Variants in RPTOR observed in about 807,000 individuals in gnomAD.
RPTOR encodes the protein regulatory-associated protein of mTOR.
In RPTOR, 21 loss-of-function variants were observed where a neutral mutation model predicts 169.9. The ratio of observed to expected loss-of-function variants is 0.12; its 90% CI spans 0.09 to 0.18. The LOEUF is 0.18. RPTOR is among the 10% of genes least tolerant of loss of function. RPTOR has a pLI of 1.00. For synonymous variants in RPTOR, 732 were observed against 753.2 expected (o/e 0.97, Z 0.46); for missense variants, 1,133 against 1,855.9 (o/e 0.61, Z 7.16).
chr17:80,706,672 CCAGGTTGCCCTCAGGGCT>C (rs2066144606), intron 3 of RPTOR, among the ~76,000 whole-genome samples: 1 of 152,220 alleles, frequency 6.6e-6, no homozygotes, highest in Non-Finnish European at 1.5e-5. Context: ...TCTGGCAAGG[CCAGGTTGCCCTCAGGGCT>C]TTCTGCTGCC....
chr17:80,730,758 T>TTTTTCGG lies in RPTOR; in HGVS notation c.654+52_654+53insTTTTCGG. 2.1e-6 allele frequency: 1 copy of TTTTTCGG among 467,252 alleles called. No individual in the cohort carries two copies. Among genetic ancestry groups the TTTTTCGG allele is most frequent in the Non-Finnish European group, 3.9e-6 (1 of 254,704 alleles). The allele number at this position is 467,252 out of a possible 1,614,324, so 28.9% of individuals were successfully genotyped here. ...GTGCTGGGTTTGGTTTTGTTTTCCC[T>TTTTTCGG]GGGGGTGGGGTTTGGGTGGGGAGGT... On this transcript the variant is annotated intron_variant, in intron 5 of 33. Coordinates refer to ENST00000306801, the MANE Select transcript of RPTOR (RefSeq NM_020761.3). This position sits in a 1 kb window ranked among gnomAD's most constrained non-coding sequence, Gnocchi z 4.2.
rs1479994551 is a variant in RPTOR, at chr17:80,760,300, C to CTTTTTTT, written c.830+6121_830+6122insTTTTTTT. Among the ~76,000 whole-genome samples, 96 of 96,488 alleles carry CTTTTTTT rather than the reference C, an allele frequency of 9.9e-4. 4 individuals carry two copies. The highest frequency in any genetic ancestry group is 1.9e-3 in the African/African-American group (49 of 25,850). The allele number at this position is 96,488 out of a possible 152,430, so 63.3% of individuals were successfully genotyped here. A position where few individuals can be genotyped will look rare whatever the true frequency, so the allele number is the denominator to read the frequency against. On this transcript the variant is annotated intron_variant, in intron 6 of 33. Transcript: ENST00000306801. ...GTGTTCCAGTCGAGCTTTCTTTTTT[C>CTTTTTTT]TTTTTTCTTTTTTTTTTTTTTGAGA...
At chr17:80,751,671 G>C (rs180898380) in intron 5 of RPTOR, among the ~76,000 whole-genome samples, 151 of 152,220 alleles carry the variant, frequency 9.9e-4, no homozygotes, top group African/African-American at 3.6e-3. Context: ...TTACAATAGC[G>C]CCTCCTCTTC....
intron 23 of RPTOR, among the ~76,000 whole-genome samples, chr17:80,925,119 C>T (rs575162999): frequency 6.6e-6 from 1 of 152,026 alleles, no homozygotes; most frequent in East Asian, 2.0e-4. Context: ...TGTGCTGGGT[C>T]GGCCCTGGGG....
chr17:80,937,322 G>A (rs1260614001), intron 24 of RPTOR, among the ~76,000 whole-genome samples: 3 of 152,114 alleles, frequency 2.0e-5, no homozygotes, highest in Non-Finnish European at 4.4e-5. Flanking sequence ...AAATTCAGAG[G>A]GATTGAAGAT....
rs1270539619 is a variant in RPTOR, at chr17:80,609,231, G to A, written c.163-16460G>A. Reference sequence around the variant, plus strand: ...TGGGTGCTCTGCTCTCAGGCCCACAGAATTCTGCACTGTGAGCAGCGCAGG... The same window carrying A: ...TGGGTGCTCTGCTCTCAGGCCCACAAAATTCTGCACTGTGAGCAGCGCAGG... On this transcript the variant is annotated intron_variant, in intron 1 of 33. Transcript: ENST00000306801. This position sits in a 1 kb window ranked among gnomAD's most constrained non-coding sequence, Gnocchi z 4.8. 6.6e-6 allele frequency among the ~76,000 whole-genome samples: 1 copy of A among 152,206 alleles called. No homozygotes were observed. The highest frequency in any genetic ancestry group is 1.5e-5 in the Non-Finnish European group (1 of 68,040).
chr17:80,853,985 A>C (rs1194516632), intron 11 of RPTOR, among the ~76,000 whole-genome samples: 1 of 152,174 alleles, frequency 6.6e-6, no homozygotes, highest in Non-Finnish European at 1.5e-5. Flanking sequence ...TGTCTCAAAA[A>C]AAAAAAAAAG....
chr17:80,962,912 C>G lies in RPTOR; in HGVS notation c.3810-16C>G. The stretch of plus-strand genomic sequence containing the variant: ...AGAAGAGGGCAGTGATGCCGGGACC[C>G]TTTCTCTCCCCACAGTGGCTCCGTC... On this transcript the variant is annotated splice_polypyrimidine_tract_variant and intron_variant, in intron 32 of 33. Transcript: ENST00000306801. The G allele has an allele frequency of 1.9e-6, 3 of 1,613,384 alleles. No homozygotes were observed. The highest frequency in any genetic ancestry group is 2.5e-6 in the Non-Finnish European group (3 of 1,179,858).
At chr17:80,921,197 C>T (rs1567987647) in intron 21 of RPTOR, among the ~76,000 whole-genome samples, 1 of 152,244 alleles carries the variant, frequency 6.6e-6, no homozygotes. Flanking sequence ...ACATTGCAGG[C>T]TCCACGCGGA....
At chr17:80,783,643 G>C (rs893824396) in intron 6 of RPTOR, among the ~76,000 whole-genome samples, 1 of 152,226 alleles carries the variant, frequency 6.6e-6, no homozygotes, top group African/African-American at 2.4e-5. Context: ...GGGCTCCTCC[G>C]ATATCCAGCC....
At chr17:80,719,129 G>A (rs974792685) in intron 4 of RPTOR, among the ~76,000 whole-genome samples, 3 of 152,142 alleles carry the variant, frequency 2.0e-5, no homozygotes, top group Non-Finnish European at 4.4e-5. Context: ...AGAAGTAGGG[G>A]CAGACATGCT....
At chr17:80,772,326 T>C (rs1025483623) in intron 6 of RPTOR, among the ~76,000 whole-genome samples, 1 of 152,232 alleles carries the variant, frequency 6.6e-6, no homozygotes, top group Non-Finnish European at 1.5e-5. Flanking sequence ...CCTCGATGTT[T>C]TGGGCAGCCC....
In RPTOR at chr17:80,641,991, G is replaced by C. The variant is rs555305243; in HGVS notation, c.266-1737G>C. On this transcript the variant is annotated intron_variant, in intron 2 of 33. Coordinates refer to ENST00000306801, the MANE Select transcript of RPTOR (RefSeq NM_020761.3). ...TGGAGTAGTTGGCAGATGTTTTCTG[G>C]AAAATGAATGACATGAGCCTGTCAC... Among the ~76,000 whole-genome samples the C allele has an allele frequency of 2.2e-4, 34 of 152,246 alleles. 1 individual carries two copies. The highest frequency in any genetic ancestry group is 3.4e-3 in the Middle Eastern group (1 of 294).
chr17:80,876,024 C>T lies in RPTOR; in HGVS notation c.1510-4391C>T, dbSNP rs1737566445. Among the ~76,000 whole-genome samples the T allele has an allele frequency of 3.1e-5, 2 of 64,530 alleles. 1 individual carries two copies. The highest frequency in any genetic ancestry group is 6.1e-5 in the Non-Finnish European group (2 of 32,734). 42.3% of individuals were successfully genotyped at this position (64,530 alleles called of 152,430 possible). On this transcript the variant is annotated intron_variant, in intron 13 of 33. Transcript: ENST00000306801. ...GCCAGGTCTTCCACCGAGCCCGTGC[C>T]GCCCAGGATGTGTGTGTCACCTGCT...
intron 6 of RPTOR, among the ~76,000 whole-genome samples, chr17:80,765,289 G>T (rs1023294050): frequency 6.6e-6 from 1 of 152,184 alleles, no homozygotes; most frequent in Non-Finnish European, 1.5e-5. Flanking sequence ...TTTTCAGAGA[G>T]CCAGTTGTCT....
chr17:80,558,252 G>GAGAGAGCT (rs1376243951), intron 1 of RPTOR, among the ~76,000 whole-genome samples: 1 of 152,220 alleles, frequency 6.6e-6, no homozygotes, highest in Non-Finnish European at 1.5e-5. Context: ...AGTGAGCTAT[G>GAGAGAGCT]ATGGTGTCAC....
At chr17:80,689,848 C>G (rs1349101192) in intron 3 of RPTOR, among the ~76,000 whole-genome samples, 1 of 152,138 alleles carries the variant, frequency 6.6e-6, no homozygotes, top group Admixed American at 6.5e-5. Context: ...GATAATCTTT[C>G]AGATTTTTGG....
intron 1 of RPTOR, among the ~76,000 whole-genome samples, chr17:80,568,382 C>T (rs2064868494): frequency 6.6e-6 from 1 of 152,176 alleles, no homozygotes; most frequent in Non-Finnish European, 1.5e-5. Context: ...ATGCTCCTAG[C>T]ACTTTAAGGA....
intron 9 of RPTOR, among the ~76,000 whole-genome samples, chr17:80,830,767 C>T (rs1221859248): frequency 4.6e-5 from 6 of 130,414 alleles, no homozygotes; most frequent in Admixed American, 7.4e-5. Flanking sequence ...TTTTTTTTTT[C>T]GGAGGCGGGG....
Sources: allele counts gnomAD v4.1 joint callset (sites outside exome capture counted in the v4.1 genomes callset), GRCh38; gene constraint gnomAD v4.1.1; non-coding constraint Gnocchi (gnomAD v3.1); transcripts MANE v1.5; gene names NCBI Gene and HGNC (gene_info 2026-07-23, HGNC 2026-07-21).